SRGAP3: variants seen among roughly 807,000 people sequenced by gnomAD.
SRGAP3 encodes SLIT-ROBO Rho GTPase-activating protein 3.
In SRGAP3, 39 loss-of-function variants were observed where a neutral mutation model predicts 121.1. The observed-to-expected ratio is 0.32, with a 90% CI of 0.25 to 0.42. The LOEUF (loss-of-function observed/expected upper bound fraction) is 0.42. SRGAP3 is among the 10% of genes least tolerant of loss of function. The probability of loss-of-function intolerance (pLI) is 1.00; values close to 1 mark genes in which losing one functional copy is unlikely to be tolerated. For missense variants in SRGAP3, 1,213 were observed against 1,470.6 expected (o/e 0.82, Z 2.86); for synonymous variants, 601 against 570.0 (o/e 1.05, Z -0.77).
chr3:9,099,298 G>C (rs1330810591), intron 3 of SRGAP3, among the ~76,000 whole-genome samples: 3 of 152,166 alleles, frequency 2.0e-5, no homozygotes, highest in Non-Finnish European at 2.9e-5. Context: ...TTCCTCATTA[G>C]TGCTTCCTCC....
chr3:9,158,642 C>T (rs1400886196), intron 1 of SRGAP3, among the ~76,000 whole-genome samples: 2 of 152,300 alleles, frequency 1.3e-5, no homozygotes, highest in African/African-American at 2.4e-5. Context: ...CTCACTTAAA[C>T]CACCTCTGCA....
At chr3:9,345,800 A>AAAG (rs1553579168) in intron 1 of SRGAP3, among the ~76,000 whole-genome samples, 9 of 151,394 alleles carry the variant, frequency 5.9e-5, no homozygotes, top group African/African-American at 1.2e-4. Flanking sequence ...AAAAAAAAAA[A>AAAG]AAAAGAAAAG....
At chr3:9,317,638 AAGAAG>A (rs1418001278) in intron 3 of SRGAP3, among the ~76,000 whole-genome samples, 1 of 152,244 alleles carries the variant, frequency 6.6e-6, no homozygotes, top group Non-Finnish European at 1.5e-5. Context: ...CTGAGAGTGT[AAGAAG>A]AGAAAACAGA....
intron 4 of SRGAP3, among the ~76,000 whole-genome samples, chr3:9,068,999 C>G (rs1338511934): frequency 6.6e-6 from 1 of 152,236 alleles, no homozygotes; most frequent in Non-Finnish European, 1.5e-5. Context: ...ATGATCCCTG[C>G]TTTACAGATG....
intron 14 of SRGAP3, among the ~76,000 whole-genome samples, chr3:9,022,008 G>A (rs184266389): frequency 1.2e-3 from 182 of 152,104 alleles, no homozygotes; most frequent in Non-Finnish European, 1.8e-3. Flanking sequence ...CACCTGAACC[G>A]GAGGAGGCAG....
intron 3 of SRGAP3, among the ~76,000 whole-genome samples, chr3:9,300,061 T>G (rs1955025828): frequency 6.7e-6 from 1 of 149,834 alleles, no homozygotes; most frequent in African/African-American, 2.5e-5. Context: ...CTCAAAGGAT[T>G]GCCATGAAAA....
intron 1 of SRGAP3, among the ~76,000 whole-genome samples, chr3:9,139,222 G>A (rs1362762618): frequency 3.3e-5 from 5 of 152,184 alleles, no homozygotes; most frequent in Admixed American, 2.6e-4. Flanking sequence ...ATGAAATGTT[G>A]TATGTGTTAG....
rs200261396 is a variant in SRGAP3 at position 9,210,050 on chromosome 3, A to C, written c.67+38835T>G. Among the ~76,000 whole-genome samples the C allele has an allele frequency of 3.1e-3, 479 of 152,216 alleles. 4 individuals are homozygous for C. Among genetic ancestry groups the C allele is most frequent in the East Asian group, 0.016 (85 of 5,178 alleles). On this transcript the variant is annotated intron_variant, in intron 1 of 21. Coordinates refer to ENST00000383836, the MANE Select transcript of SRGAP3 (RefSeq NM_014850.4). ...TATTAAAAGAAGCTAGACACACAAA[A>C]AAAAAAAACAGACGTTGTGTGATTC...
intron 1 of SRGAP3, among the ~76,000 whole-genome samples, chr3:9,357,911 G>C (rs142820648): frequency 1.8e-4 from 27 of 149,612 alleles, no homozygotes; most frequent in Middle Eastern, 6.8e-3. Flanking sequence ...GTCTCACTCT[G>C]TCTCCCAGAC....
At chr3:9,096,966 T>C (rs1357662649) in intron 3 of SRGAP3, among the ~76,000 whole-genome samples, 12 of 95,626 alleles carry the variant, frequency 1.3e-4, no homozygotes, top group African/African-American at 6.1e-4. Flanking sequence ...TATATATATA[T>C]ATATATATAT....
intron 1 of SRGAP3, among the ~76,000 whole-genome samples, chr3:9,205,114 C>T (rs1032440820): frequency 2.0e-5 from 3 of 152,094 alleles, no homozygotes; most frequent in Non-Finnish European, 2.9e-5. Context: ...GATTATGATT[C>T]GAAAATGCGC....
chr3:9,173,403 C>A (rs922994511), intron 1 of SRGAP3, among the ~76,000 whole-genome samples: 2 of 152,108 alleles, frequency 1.3e-5, no homozygotes, highest in Non-Finnish European at 2.9e-5. Context: ...GTCACTGACA[C>A]CTACTAAGAT....
At chr3:9,105,229 C>T (rs1485751214) in intron 2 of SRGAP3, among the ~76,000 whole-genome samples, 5 of 152,206 alleles carry the variant, frequency 3.3e-5, no homozygotes, top group Admixed American at 3.3e-4. Flanking sequence ...AAAGTAGATA[C>T]TTCCACTCCC....
rs1031250838 is a variant in SRGAP3 at position 9,109,429 on chromosome 3, C to T, written c.261-4587G>A. Among the ~76,000 whole-genome samples, 1 of 152,116 alleles carries T rather than the reference C, an allele frequency of 6.6e-6. No homozygotes were observed. Among genetic ancestry groups the T allele is most frequent in the South Asian group, 2.1e-4 (1 of 4,810 alleles). On this transcript the variant is annotated intron_variant, in intron 2 of 21. Coordinates refer to ENST00000383836, the MANE Select transcript of SRGAP3 (RefSeq NM_014850.4). This position sits in a 1 kb window ranked among gnomAD's most constrained non-coding sequence, Gnocchi z 4.4. ...TAAGACAGAATTGCAGGAGGCAGAG[C>T]GAGCCAAGGCAAGGAGGAGGATGTT... is the stretch of plus-strand genomic sequence containing the variant.
chr3:9,323,585 G>A (rs919624649), intron 3 of SRGAP3, among the ~76,000 whole-genome samples: 6 of 151,748 alleles, frequency 4.0e-5, no homozygotes, highest in African/African-American at 1.4e-4. Flanking sequence ...GTATGAGCTG[G>A]TGTCTTGATC....
chr3:9,313,663 C>A (rs1955289868), intron 3 of SRGAP3, among the ~76,000 whole-genome samples: 1 of 149,748 alleles, frequency 6.7e-6, no homozygotes, highest in Non-Finnish European at 1.5e-5. Flanking sequence ...GGTGACAGAG[C>A]AAGACTCTAT....
intron 2 of SRGAP3, among the ~76,000 whole-genome samples, chr3:9,108,204 T>C (rs1330370133): frequency 1.3e-5 from 2 of 152,062 alleles, no homozygotes; most frequent in African/African-American, 4.8e-5. Flanking sequence ...ACTGGGGAGC[T>C]TTTAAAAAAA....
At chr3:9,250,213 C>T (rs1035769736), upstream of SRGAP3, among the ~76,000 whole-genome samples, 1 of 152,104 alleles carries the variant, frequency 6.6e-6, no homozygotes, top group Non-Finnish European at 1.5e-5. Flanking sequence ...TCTTTGGAGG[C>T]TATGTTATTC....
intron 3 of SRGAP3, among the ~76,000 whole-genome samples, chr3:9,255,660 A>C (rs1376385914): frequency 6.6e-6 from 1 of 152,106 alleles, no homozygotes; most frequent in East Asian, 1.9e-4. Flanking sequence ...AGTCCCGAAC[A>C]ATCCACATGG....
Sources: allele counts gnomAD v4.1 joint callset (sites outside exome capture counted in the v4.1 genomes callset), GRCh38; gene constraint gnomAD v4.1.1; non-coding constraint Gnocchi (gnomAD v3.1); transcripts MANE v1.5; gene names NCBI Gene and HGNC (gene_info 2026-07-23, HGNC 2026-07-21).